Variants in SIPA1L3 observed in about 807,000 individuals in gnomAD.
SIPA1L3 encodes the protein signal-induced proliferation-associated 1-like protein 3.
Under a neutral mutation model 150.1 loss-of-function variants are expected in SIPA1L3, and 59 were observed. That is an observed-to-expected ratio of 0.39 (90% CI 0.32 to 0.49). The LOEUF is 0.49. Among genes scored for constraint, SIPA1L3 ranks in the 20% least tolerant of loss-of-function variants. SIPA1L3 has a pLI of 0.86. For synonymous variants in SIPA1L3, 1,070 were observed against 1,077.6 expected (o/e 0.99, Z 0.14); for missense variants, 2,211 against 2,489.5 (o/e 0.89, Z 2.38).
Position 38,206,937 on chromosome 19 carries a change from A to G in SIPA1L3, c.*697A>G, listed in dbSNP as rs116981346. On this transcript the variant is annotated 3_prime_UTR_variant, in exon 22 of 22. Transcript: ENST00000222345. Reference sequence around the variant, plus strand: ...CCGATTTATTTGAGAGAGAAACTCTATTTGGATCTCCAGGACGGTTTATAC... The same window carrying G: ...CCGATTTATTTGAGAGAGAAACTCTGTTTGGATCTCCAGGACGGTTTATAC... 0.014 allele frequency: 2,159 copies of G among 152,590 alleles called. 34 individuals are homozygous for G. The highest frequency in any genetic ancestry group is 0.033 in the Admixed American group (510 of 15,304). 9.5% of individuals were successfully genotyped at this position (152,590 alleles called of 1,614,324 possible). A position where few individuals can be genotyped will look rare whatever the true frequency, so the allele number is the denominator to read the frequency against.
At chr19:38,175,945 C>T (rs1397079038) in intron 15 of SIPA1L3, among the ~76,000 whole-genome samples, 2 of 152,080 alleles carry the variant, frequency 1.3e-5, no homozygotes, top group East Asian at 1.9e-4. Context: ...CTGTGGCTCA[C>T]GCCTGTAATC....
chr19:38,052,592 A>G (rs1251482262), intron 2 of SIPA1L3, among the ~76,000 whole-genome samples: 4 of 152,252 alleles, frequency 2.6e-5, no homozygotes. Context: ...AGGGCAGGCA[A>G]TGGATCAAAG....
intron 3 of SIPA1L3, among the ~76,000 whole-genome samples, chr19:38,083,388 G>C (rs1970052600): frequency 6.6e-6 from 1 of 152,250 alleles, no homozygotes; most frequent in Non-Finnish European, 1.5e-5. Flanking sequence ...GCACTCTCTA[G>C]AGCCTGGGGA....
intron 19 of SIPA1L3, among the ~76,000 whole-genome samples, chr19:38,201,284 C>T (rs563583214): frequency 1.3e-5 from 2 of 152,348 alleles, no homozygotes; most frequent in Non-Finnish European, 2.9e-5. Context: ...GCTCAGGTGC[C>T]CCCAGTGCCA....
intron 1 of SIPA1L3, among the ~76,000 whole-genome samples, chr19:37,943,667 A>G (rs772056052): frequency 1.3e-5 from 2 of 152,110 alleles, no homozygotes; most frequent in Non-Finnish European, 2.9e-5. Flanking sequence ...GTTCTCACCC[A>G]TCAAATCCTC....
chr19:38,178,881 T>A (rs1568595133), intron 15 of SIPA1L3, among the ~76,000 whole-genome samples: 1 of 152,232 alleles, frequency 6.6e-6, no homozygotes, highest in Non-Finnish European at 1.5e-5. Context: ...CATGCTTCAG[T>A]AGTTCCCTGG....
chr19:38,142,737 T>C, intron 12 of SIPA1L3, 27 bp downstream of exon 12: 1 of 1,601,982 alleles, frequency 6.2e-7, no homozygotes, highest in Non-Finnish European at 8.5e-7. Context: ...TCTTTTCATG[T>C]TAAGGGATCT....
At chr19:38,107,486 C>T (rs535154279) in intron 7 of SIPA1L3, among the ~76,000 whole-genome samples, 3 of 152,342 alleles carry the variant, frequency 2.0e-5, no homozygotes, top group Admixed American at 1.3e-4. Flanking sequence ...AGCTGTGACC[C>T]GGCTCCTCTC....
intron 15 of SIPA1L3, among the ~76,000 whole-genome samples, chr19:38,175,617 C>T (rs1972419728): frequency 6.6e-6 from 1 of 152,176 alleles, no homozygotes; most frequent in South Asian, 2.1e-4. Context: ...GCCCAGAGCC[C>T]AGGGACCCAC....
intron 1 of SIPA1L3, among the ~76,000 whole-genome samples, chr19:37,912,237 C>CA (rs34652077): frequency 0.39 from 55,819 of 144,764 alleles, 13,125 homozygotes; most frequent in East Asian, 0.7. Context: ...CACTCTGTCT[C>CA]AAAAAAAAAA....
At chr19:38,123,914 GGCGGCCGGGCAGAGGC>G (rs1971097892) in intron 9 of SIPA1L3, among the ~76,000 whole-genome samples, 1 of 144,396 alleles carries the variant, frequency 6.9e-6, no homozygotes, top group South Asian at 2.2e-4. Context: ...TCCCAGTAGG[GGCGGCCGGGCAGAGGC>G]GCCCCTCACC....
intron 16 of SIPA1L3, among the ~76,000 whole-genome samples, chr19:38,190,979 C>T (rs1028807811): frequency 5.9e-5 from 9 of 152,194 alleles, no homozygotes; most frequent in Non-Finnish European, 1.2e-4. Context: ...GCCTGGCGGC[C>T]TTGATTTGAA....
chr19:38,187,311 G>C (rs1488077337), intron 16 of SIPA1L3, among the ~76,000 whole-genome samples: 2 of 151,612 alleles, frequency 1.3e-5, no homozygotes, highest in Admixed American at 6.6e-5. Context: ...AATTAGCCAG[G>C]TGTGGTGGCA....
At chr19:38,165,733 G>A (rs1210221891) in intron 15 of SIPA1L3, among the ~76,000 whole-genome samples, 1 of 152,130 alleles carries the variant, frequency 6.6e-6, no homozygotes, top group Non-Finnish European at 1.5e-5. Context: ...CAATAGGTCG[G>A]AGCGGGAGAC....
chr19:38,023,061 T>C (rs1968414435), intron 1 of SIPA1L3, among the ~76,000 whole-genome samples: 1 of 152,222 alleles, frequency 6.6e-6, no homozygotes, highest in Admixed American at 6.5e-5. Context: ...GTGTGTGGAA[T>C]GGCCACACAG....
At chr19:38,049,240 TC>T (rs1291290858) in intron 2 of SIPA1L3, among the ~76,000 whole-genome samples, 1 of 152,114 alleles carries the variant, frequency 6.6e-6, no homozygotes, top group Admixed American at 6.6e-5. Flanking sequence ...TTTCATTCCT[TC>T]CCCCAGTCTG....
chr19:38,169,362 C>G (rs1972277091), intron 15 of SIPA1L3, among the ~76,000 whole-genome samples: 1 of 152,032 alleles, frequency 6.6e-6, no homozygotes, highest in Non-Finnish European at 1.5e-5. Context: ...GCACTTCAGC[C>G]TTGGCAACAG....
Position 37,963,375 on chromosome 19 carries a change from A to G in SIPA1L3, c.-379+56017A>G, listed in dbSNP as rs185805472. Reference sequence around the variant, plus strand: ...GACCTTACCAAGGCCTTGTGTGGCTATCTCATTCCCTGGATCTTCCTGCTA... The same window carrying G: ...GACCTTACCAAGGCCTTGTGTGGCTGTCTCATTCCCTGGATCTTCCTGCTA... On this transcript the variant is annotated intron_variant, in intron 1 of 21. Transcript: ENST00000222345. Among the ~76,000 whole-genome samples the G allele has an allele frequency of 3.0e-3, 452 of 152,332 alleles. 3 individuals are homozygous for G. The highest frequency in any genetic ancestry group is 0.01 in the African/African-American group (433 of 41,570).
chr19:38,035,142 TAGAG>T (rs1439834534), intron 2 of SIPA1L3, among the ~76,000 whole-genome samples: 1 of 152,174 alleles, frequency 6.6e-6, no homozygotes, highest in Non-Finnish European at 1.5e-5. Context: ...GGAGGTGGAA[TAGAG>T]ATTCATCAAG....
Sources: allele counts gnomAD v4.1 joint callset (sites outside exome capture counted in the v4.1 genomes callset), GRCh38; gene constraint gnomAD v4.1.1; transcripts MANE v1.5; gene names NCBI Gene and HGNC (gene_info 2026-07-23, HGNC 2026-07-21).